The following POU2F2 variants were observed in gnomAD, a reference collection of about 807,000 sequenced individuals.
POU2F2 encodes the protein POU class 2 homeobox 2, also known as POU domain, class 2, transcription factor 2.
A neutral mutation model predicts 63.5 loss-of-function variants in POU2F2; 14 were observed. The observed-to-expected ratio is 0.22, with a 90% CI of 0.15 to 0.34. The LOEUF is 0.34. POU2F2 is among the 10% of genes least tolerant of loss of function. The probability of loss-of-function intolerance (pLI) is 1.00; values close to 1 mark genes in which losing one functional copy is unlikely to be tolerated. For missense variants in POU2F2, 607 were observed against 815.2 expected, an observed-to-expected ratio of 0.74 and a Z score of 3.11; for synonymous variants, 306 against 348.6, an observed-to-expected ratio of 0.88 and a Z score of 1.36.
intron 1 of POU2F2, among the ~76,000 whole-genome samples, chr19:42,163,018 T>C (rs892218352): frequency 4.6e-5 from 7 of 151,986 alleles, no homozygotes; most frequent in Non-Finnish European, 7.4e-5. Context: ...CTGTGGAAAA[T>C]GGAGGCTCAG....
chr19:42,147,036 G>A lies in POU2F2; in HGVS notation c.-9+13296C>T, dbSNP rs574518693. ...TTCCATGCCTGTCTCAGATAGTCTC[G>A]TCTCCCCTTGGCCCCCAAAGGGGGT... On this transcript the variant is annotated intron_variant, in intron 2 of 6. Coordinates refer to the POU2F2 transcript ENST00000524801. Among the ~76,000 whole-genome samples the A allele has an allele frequency of 9.2e-5, 14 of 152,214 alleles. 1 individual carries two copies. Among genetic ancestry groups the A allele is most frequent in the South Asian group, 2.1e-4 (1 of 4,822 alleles).
At chr19:42,106,805 A>AGAGGAG (rs1003678129) in intron 5 of POU2F2, among the ~76,000 whole-genome samples, 1 of 138,476 alleles carries the variant, frequency 7.2e-6, no homozygotes, top group Non-Finnish European at 1.6e-5. Flanking sequence ...AGGAGGAGGA[A>AGAGGAG]GAGGAGGAGG....
At chr19:42,115,957 G>A (rs539492020) in intron 5 of POU2F2, among the ~76,000 whole-genome samples, 4 of 152,326 alleles carry the variant, frequency 2.6e-5, no homozygotes, top group Admixed American at 1.3e-4. Context: ...GGCAGAGATT[G>A]GAGTGAGCCA....
At chr19:42,105,999 T>TTTCTTTCTTTCTTTC in intron 5 of POU2F2, among the ~76,000 whole-genome samples, 1 of 132,324 alleles carries the variant, frequency 7.6e-6, no homozygotes, top group South Asian at 2.5e-4. Flanking sequence ...GATCTTTCTT[T>TTTCTTTCTTTCTTTC]TTTCTTTCTT....
intron 2 of POU2F2, among the ~76,000 whole-genome samples, chr19:42,151,418 GA>G (rs2034349149): frequency 6.6e-6 from 1 of 151,886 alleles, no homozygotes; most frequent in South Asian, 2.1e-4. Context: ...GGAGGATCTG[GA>G]CAGACAAAGA....
chr19:42,111,513 A>C (rs1444812434), intron 5 of POU2F2, among the ~76,000 whole-genome samples: 1 of 152,162 alleles, frequency 6.6e-6, no homozygotes, highest in Non-Finnish European at 1.5e-5. Context: ...TGATGTTCCC[A>C]TGTGGATGAT....
chr19:42,196,152 C>G (rs2035143103), intron 1 of POU2F2, among the ~76,000 whole-genome samples: 1 of 152,086 alleles, frequency 6.6e-6, no homozygotes, highest in Admixed American at 6.5e-5. Flanking sequence ...CCCCTGGGCT[C>G]CGACCCGCTG....
intron 2 of POU2F2, among the ~76,000 whole-genome samples, chr19:42,148,947 C>T (rs926170303): frequency 2.6e-5 from 4 of 152,036 alleles, no homozygotes; most frequent in African/African-American, 9.7e-5. Flanking sequence ...CTCGCTCCCA[C>T]CCAGACCGAG....
chr19:42,194,640 T>C (rs1472539841), intron 1 of POU2F2, among the ~76,000 whole-genome samples: 2 of 148,894 alleles, frequency 1.3e-5, no homozygotes, highest in African/African-American at 5.0e-5. Context: ...ATGCCTGTAA[T>C]CCCAACTGCC....
At chr19:42,176,722 C>G (rs541185145), upstream of POU2F2, among the ~76,000 whole-genome samples, 1 of 151,432 alleles carries the variant, frequency 6.6e-6, no homozygotes, top group African/African-American at 2.4e-5. Context: ...GCTGACCCCC[C>G]CCATCCCCAA....
rs922202516 is a variant in POU2F2, at chr19:42,169,252, T to G, written c.-70+6711A>C. On this transcript the variant is annotated intron_variant, in intron 1 of 6. Transcript: ENST00000524801. The surrounding 1 kb of genome is among the most constrained non-coding windows in gnomAD (Gnocchi z 4.3). ...GTGGGATTTCTGAATGTGGCCTGTG[T>G]GCACCCACAGGCATATAGGCTGGGA... 6.6e-6 allele frequency among the ~76,000 whole-genome samples: 1 copy of G among 152,252 alleles called. No homozygotes were observed. The highest frequency in any genetic ancestry group is 2.4e-5 in the African/African-American group (1 of 41,470).
chr19:42,166,455 C>T (rs2034652341), intron 1 of POU2F2, among the ~76,000 whole-genome samples: 3 of 152,164 alleles, frequency 2.0e-5, no homozygotes, highest in South Asian at 4.1e-4. Context: ...CACTGCTCTT[C>T]ATCCCAACAA....
At chr19:42,142,772 T>C (rs978707548) in intron 2 of POU2F2, among the ~76,000 whole-genome samples, 2 of 151,594 alleles carry the variant, frequency 1.3e-5, no homozygotes, top group Admixed American at 6.6e-5. Flanking sequence ...ACATGTTGCA[T>C]GGGCTGGTCT....
At chr19:42,139,574 G>A (rs1281960731) in intron 2 of POU2F2, among the ~76,000 whole-genome samples, 2 of 152,028 alleles carry the variant, frequency 1.3e-5, no homozygotes, top group Non-Finnish European at 2.9e-5. Context: ...TGAGTAGCTG[G>A]GGCTACAACC....
At chr19:42,141,034 C>T (rs2034116315) in intron 2 of POU2F2, among the ~76,000 whole-genome samples, 1 of 152,188 alleles carries the variant, frequency 6.6e-6, no homozygotes, top group African/African-American at 2.4e-5. Flanking sequence ...ACACACCAGC[C>T]TCTGCTCAAA....
chr19:42,121,155 G>A (rs569609065), intron 4 of POU2F2, among the ~76,000 whole-genome samples: 33 of 152,170 alleles, frequency 2.2e-4, no homozygotes, highest in Non-Finnish European at 4.6e-4. Context: ...CAGGGTGGGG[G>A]CAATGGATAC....
chr19:42,111,261 G>A (rs956532314), intron 5 of POU2F2, among the ~76,000 whole-genome samples: 2 of 151,820 alleles, frequency 1.3e-5, no homozygotes, highest in Non-Finnish European at 2.9e-5. Flanking sequence ...TGGGGGCTAT[G>A]GGCATGCATC....
rs980697113 is a variant in POU2F2 at position 42,089,822 on chromosome 19, C to T, written c.*1435G>A. On this transcript the variant is annotated 3_prime_UTR_variant, in exon 15 of 15. Coordinates refer to ENST00000692977, the MANE Select transcript of POU2F2 (RefSeq NM_001394376.1). ...GGTTTTCGGTTCAAAACTTTGTTGG[C>T]CTCCACAATAGCAGGAGGGCAGGGT... 4 of 151,244 alleles carry T rather than the reference C, an allele frequency of 2.6e-5. No homozygotes were observed. Among genetic ancestry groups the T allele is most frequent in the Non-Finnish European group, 4.4e-5 (3 of 67,938 alleles). The allele number at this position is 151,244 out of a possible 1,614,324, so 9.4% of individuals were successfully genotyped here.
intron 1 of POU2F2, among the ~76,000 whole-genome samples, chr19:42,195,393 C>T (rs1599739360): frequency 1.4e-5 from 2 of 138,178 alleles, no homozygotes; most frequent in Non-Finnish European, 1.5e-5. Flanking sequence ...AGTGCAGTGG[C>T]GCAATCTCGG....
Sources: gnomAD v4.1 joint callset for allele counts (sites outside exome capture counted in the v4.1 genomes callset) on GRCh38, gnomAD v4.1.1 for gene constraint, Gnocchi (gnomAD v3.1) non-coding constraint, MANE v1.5 for transcripts, NCBI Gene and HGNC (gene_info 2026-07-23, HGNC 2026-07-21) for gene names.